MEP1A: variants seen among roughly 807,000 people sequenced by gnomAD.
MEP1A encodes meprin A subunit alpha, also known as N-benzoyl-L-tyrosyl-P-amino-benzoic acid hydrolase subunit alpha.
A neutral mutation model predicts 84.5 loss-of-function variants in MEP1A; 68 were observed. That is an observed-to-expected ratio of 0.80 (90% CI 0.66 to 0.98). The LOEUF is 0.98. Ranked by LOEUF, MEP1A falls within the 50% of genes least tolerant of loss-of-function variation. The pLI, the probability that MEP1A is intolerant of heterozygous loss-of-function variation, is 0.00. For synonymous variants in MEP1A, 337 were observed against 336.8 expected, an observed-to-expected ratio of 1.00 and a Z score of -0.01; for missense variants, 887 against 919.9, an observed-to-expected ratio of 0.96 and a Z score of 0.46.
At chr6:46,797,068 C>A (rs1331760774) in intron 3 of MEP1A, among the ~76,000 whole-genome samples, 2 of 152,108 alleles carry the variant, frequency 1.3e-5, no homozygotes, top group African/African-American at 2.4e-5. Flanking sequence ...CAGGGATAGC[C>A]CTAGTTAGTC....
Position 46,829,399 on chromosome 6 carries a change from G to C in MEP1A, c.972G>C (p.Ala324=). 6.2e-7 allele frequency: 1 copy of C among 1,613,976 alleles called. No individual in the cohort carries two copies. Among genetic ancestry groups the C allele is most frequent in the Non-Finnish European group, 8.5e-7 (1 of 1,180,020 alleles). Residue 324 remains alanine, a synonymous_variant, in exon 10 of 14, where the codon GCG becomes GCC. Transcript: ENST00000230588. ...FMQFSTSSGS[A]EEAALLESRI... is the part of the protein sequence containing the mutation. Reference sequence around the variant, plus strand: ...AGTTCAGCACCAGCTCGGGGTCCGCGGAAGAGGCAGCCCTACTGGAGTCTC... The same window carrying C: ...AGTTCAGCACCAGCTCGGGGTCCGCCGAAGAGGCAGCCCTACTGGAGTCTC...
chr6:46,814,501 C>A (rs1021705996), intron 6 of MEP1A, among the ~76,000 whole-genome samples: 5 of 152,070 alleles, frequency 3.3e-5, no homozygotes, highest in Admixed American at 2.6e-4. Flanking sequence ...TTCTCTGGTG[C>A]CTCCTTGATT....
Position 46,809,507 on chromosome 6 carries a change from G to T in MEP1A, c.350G>T (p.Ser117Ile). 6.2e-7 allele frequency: 1 copy of T among 1,607,690 alleles called. No individual in the cohort carries two copies. ...CVDFKPYEGE[S>I]SYIIFQQFDG... Reference sequence around the variant, plus strand: ...GATTTCAAGCCCTATGAAGGAGAGAGCTCATATATCATATTTCAACAGTTT... The same window carrying T: ...GATTTCAAGCCCTATGAAGGAGAGATCTCATATATCATATTTCAACAGTTT... Residue 117 changes from serine (S) to isoleucine (I), a missense_variant, in exon 6 of 14, where the codon AGC (serine) becomes ATC (isoleucine). Transcript: ENST00000230588.
Position 46,835,579 on chromosome 6 carries a change from G to T in MEP1A, c.2084+30G>T, listed in dbSNP as rs772925433. The T allele has an allele frequency of 5.0e-6, 8 of 1,609,430 alleles. No individual in the cohort carries two copies. The Admixed American group carries it at 1.2e-4, about 24-fold the overall frequency. On this transcript the variant is annotated intron_variant, in intron 13 of 13. Coordinates refer to ENST00000230588, the MANE Select transcript of MEP1A (RefSeq NM_005588.3). ...GCTCTGTGGCTGGGGAGACAGGCAG[G>T]CCAGCAGACCTGGGCCGTGTGCATG...
At chr6:46,797,163 C>A (rs1016852718) in intron 3 of MEP1A, among the ~76,000 whole-genome samples, 10 of 152,198 alleles carry the variant, frequency 6.6e-5, no homozygotes, top group African/African-American at 2.4e-4. Flanking sequence ...CCTGAATGAG[C>A]CACAGGCTTT....
At position 46,835,550 on chromosome 6, in the gene MEP1A, G is replaced by C; in HGVS notation, c.2084+1G>C. ...ACGTGAAGGGGATGGCGAGCTGCAG[G>C]TAGGCTCTGTGGCTGGGGAGACAGG... On this transcript the variant is annotated splice_donor_variant, in intron 13 of 13. Coordinates refer to ENST00000230588, the MANE Select transcript of MEP1A (RefSeq NM_005588.3). LOFTEE classifies it high-confidence loss of function. The C allele has an allele frequency of 6.2e-7, 1 of 1,613,220 alleles. No individual in the cohort carries two copies.
intron 6 of MEP1A, among the ~76,000 whole-genome samples, chr6:46,812,586 T>G (rs1249549659): frequency 1.3e-5 from 2 of 152,248 alleles, no homozygotes; most frequent in Non-Finnish European, 2.9e-5. Flanking sequence ...TCTTTCAGAC[T>G]TTTTGGTGTC....
chr6:46,807,593 G>T (rs866723588), intron 5 of MEP1A, among the ~76,000 whole-genome samples: 1 of 91,094 alleles, frequency 1.1e-5, no homozygotes, highest in Admixed American at 1.2e-4. Context: ...AGGAAGGAAG[G>T]AAGGAAGGAA....
In MEP1A at chr6:46,798,647, GTGAGTACCTGTCAA is replaced by G. The variant is rs1767121637; in HGVS notation, c.186+5_186+18del. 1.2e-6 allele frequency: 2 copies of G among 1,613,634 alleles called. No individual in the cohort carries two copies. Among genetic ancestry groups the G allele is most frequent in the East Asian group, 4.5e-5 (2 of 44,876 alleles). ...CTTTCAAGGGGACATCCTCTTGCAG[GTGAGTACCTGTCAA>G]TGATGCAATAAGTTTCTCAGGACAG... On this transcript the variant is annotated splice_donor_variant and splice_donor_5th_base_variant and intron_variant, in intron 4 of 13. Coordinates refer to ENST00000230588, the MANE Select transcript of MEP1A (RefSeq NM_005588.3). LOFTEE classifies it high-confidence loss of function.
In MEP1A at chr6:46,833,189, C is replaced by T. The variant is rs751372699; in HGVS notation, c.1260C>T (p.Tyr420=). The T allele has an allele frequency of 6.2e-7, 1 of 1,610,766 alleles. No individual in the cohort carries two copies. The highest frequency in any genetic ancestry group is 1.3e-5 in the African/African-American group (1 of 74,690). The change falls in exon 11 of 14, where the codon TAC becomes TAT. Residue 420 remains tyrosine (Y), a synonymous_variant. Transcript: ENST00000230588. ...CTCAGAACTCAACTGGGGGAATTTA[C>T]CTAGATGACATCACTCTGACAGAAA... ...GDPQNSTGGI[Y]LDDITLTETP... is the part of the protein sequence containing the mutation.
In MEP1A at chr6:46,821,776, G is replaced by A. The variant is rs557080474; in HGVS notation, c.556+2072G>A. ...GTGCAGACTTGCTCAGCTCTGGTTT[G>A]AGCACGGGTTGCTCAACACATATTT... On this transcript the variant is annotated intron_variant, in intron 7 of 13. Transcript: ENST00000230588. Among the ~76,000 whole-genome samples, 4 of 152,276 alleles carry A rather than the reference G, an allele frequency of 2.6e-5. No homozygotes were observed. In the East Asian group the frequency reaches 7.7e-4, roughly 29 times the overall value.
intron 13 of MEP1A, 46 bp downstream of exon 13, chr6:46,835,595 C>T (rs765997599): frequency 1.4e-5 from 22 of 1,592,248 alleles, no homozygotes; most frequent in African/African-American, 8.1e-5. Context: ...AGACCTGGGC[C>T]GTGTGCATGC....
At chr6:46,807,762 GGGA>G (rs869295942) in intron 5 of MEP1A, among the ~76,000 whole-genome samples, 1 of 127,114 alleles carries the variant, frequency 7.9e-6, no homozygotes, top group Non-Finnish European at 1.6e-5. Flanking sequence ...AAGGAAGGAA[GGGA>G]GAAAGGAAAG....
At position 46,839,065 on chromosome 6, in the gene MEP1A, G is replaced by A. The variant is rs143826629; in HGVS notation, c.2170G>A (p.Gly724Arg). 286 of 1,613,796 alleles carry A rather than the reference G, an allele frequency of 1.8e-4. No homozygotes were observed. Among genetic ancestry groups the A allele is most frequent in the Non-Finnish European group, 2.3e-4 (273 of 1,179,820 alleles). The part of the protein sequence containing the change: ...VHGSVLGMVI[G>R]GTAGVIFLTF... ...CGGCAGTGTCCTGGGCATGGTGATC[G>A]GAGGCACGGCTGGCGTGATCTTCTT... Residue 724 changes from glycine (G) to arginine (R), a missense_variant, in exon 14 of 14, where the codon GGA becomes AGA. By Grantham distance (125) the Gly-to-Arg change is moderately radical (BLOSUM62 -2). Coordinates refer to ENST00000230588, the MANE Select transcript of MEP1A (RefSeq NM_005588.3).
intron 6 of MEP1A, among the ~76,000 whole-genome samples, chr6:46,810,499 T>C (rs1767472360): frequency 6.6e-6 from 1 of 152,206 alleles, no homozygotes; most frequent in South Asian, 2.1e-4. Context: ...ATCTTTGTTT[T>C]TGTTGCATTT....
intron 9 of MEP1A, among the ~76,000 whole-genome samples, 182 bp from the exon 10 acceptor site, chr6:46,829,174 A>G (rs901237779): frequency 3.9e-5 from 6 of 152,240 alleles, no homozygotes; most frequent in Non-Finnish European, 7.3e-5. Context: ...TTAGCCAGTG[A>G]CTAAGTCCAT....
downstream of MEP1A, among the ~76,000 whole-genome samples, chr6:46,844,187 T>C (rs1429628340): frequency 2.0e-5 from 3 of 152,204 alleles, no homozygotes; most frequent in African/African-American, 7.2e-5. Flanking sequence ...AGTTATCCTG[T>C]AGCTGTGAGT....
At chr6:46,842,430 G>C (rs1395116918), downstream of MEP1A, among the ~76,000 whole-genome samples, 2 of 152,122 alleles carry the variant, frequency 1.3e-5, no homozygotes, top group African/African-American at 4.8e-5. Context: ...CCTGGGGGGA[G>C]GTCTATAAAC....
At chr6:46,832,234 T>G (rs1768093556) in intron 10 of MEP1A, among the ~76,000 whole-genome samples, 1 of 152,234 alleles carries the variant, frequency 6.6e-6, no homozygotes, top group Non-Finnish European at 1.5e-5. Flanking sequence ...GAATACCCTG[T>G]GCAAAAATAT....
Sources: gnomAD v4.1 joint callset for allele counts (sites outside exome capture counted in the v4.1 genomes callset) on GRCh38, gnomAD v4.1.1 for gene constraint, MANE v1.5 for transcripts, NCBI Gene and HGNC (gene_info 2026-07-23, HGNC 2026-07-21) for gene names.